LRRC42: variants seen among roughly 807,000 people sequenced by gnomAD.
LRRC42 encodes the protein leucine rich repeat containing 42.
A neutral mutation model predicts 44.3 loss-of-function variants in LRRC42; 43 were observed. That is an observed-to-expected ratio of 0.97 (90% CI 0.76 to 1.25). The LOEUF (loss-of-function observed/expected upper bound fraction) is 1.25. Among genes scored for constraint, LRRC42 ranks in the 50% most tolerant of loss-of-function variants. The pLI, the probability that LRRC42 is intolerant of heterozygous loss-of-function variation, is 0.00. For synonymous variants in LRRC42, 207 were observed against 195.2 expected (o/e 1.06, Z -0.50); for missense variants, 540 against 509.1 (o/e 1.06, Z -0.58).
intron 2 of LRRC42, among the ~76,000 whole-genome samples, chr1:53,948,639 T>A (rs1192064323): frequency 6.6e-6 from 1 of 152,188 alleles, no homozygotes; most frequent in Non-Finnish European, 1.5e-5. Context: ...ACGATCTACA[T>A]TGGGCATTGT....
intron 5 of LRRC42, 196 bp from the exon 6 acceptor site, chr1:53,961,838 G>C: frequency 1.8e-6 from 1 of 553,074 alleles, no homozygotes; most frequent in Non-Finnish European, 3.2e-6. Context: ...AGGATCTTTA[G>C]GGATCATTGA....
At position 53,958,272 on chromosome 1, in the gene LRRC42, C is replaced by CCT; in HGVS notation, c.598_599dup (p.Ser201CysfsTer4). ...TTCTAGAACATCTCACCAATGAAGC[C>CCT]CTGTCTAGGTACTGACCTGTCACCA... On this transcript the variant is annotated frameshift_variant, in exon 4 of 9. Transcript: ENST00000371370. LOFTEE classifies it high-confidence loss of function. The CCT allele has an allele frequency of 2.5e-6, 4 of 1,613,454 alleles. No individual in the cohort carries two copies. Among genetic ancestry groups the CCT allele is most frequent in the Non-Finnish European group, 3.4e-6 (4 of 1,179,568 alleles).
intron 2 of LRRC42, among the ~76,000 whole-genome samples, chr1:53,949,480 C>T (rs1654614999): frequency 6.6e-6 from 1 of 152,116 alleles, no homozygotes. Flanking sequence ...CCATACCTAG[C>T]GTCTGCTTTC....
intron 2 of LRRC42, among the ~76,000 whole-genome samples, chr1:53,950,261 C>T (rs765314996): frequency 4.6e-5 from 7 of 152,244 alleles, no homozygotes; most frequent in Admixed American, 1.3e-4. Context: ...GGGAACAGAA[C>T]GAGCAATGGC....
chr1:53,952,231 C>A lies in LRRC42; in HGVS notation c.232C>A (p.Arg78=). Residue 78 remains arginine (R), a synonymous_variant, in exon 3 of 9, where the codon CGA becomes AGA. Coordinates refer to ENST00000371370, the MANE Select transcript of LRRC42 (RefSeq NM_001256409.2). ...KTDHFIFTYT[R]EGNLRYSAKS... Reference sequence around the variant, plus strand: ...TGATCATTTCATCTTCACATACACCCGAGAGGGGAATCTTCGGTACTCCGC... The same window carrying A: ...TGATCATTTCATCTTCACATACACCAGAGAGGGGAATCTTCGGTACTCCGC... 1 of 1,614,242 alleles carries A rather than the reference C, an allele frequency of 6.2e-7. No individual in the cohort carries two copies. Among genetic ancestry groups the A allele is most frequent in the South Asian group, 1.1e-5 (1 of 91,084 alleles).
intron 3 of LRRC42, among the ~76,000 whole-genome samples, chr1:53,954,220 A>T (rs990455743): frequency 4.6e-5 from 7 of 152,240 alleles, no homozygotes; most frequent in Non-Finnish European, 1.0e-4. Flanking sequence ...ACTGTATTTT[A>T]AAAAGAAAAG....
At chr1:53,952,496 C>A in intron 3 of LRRC42, 24 bp downstream of exon 3, 2 of 1,553,380 alleles carry the variant, frequency 1.3e-6, no homozygotes, top group East Asian at 2.3e-5. Context: ...TTAGATTATT[C>A]GGTATTTTAT....
chr1:53,962,653 A>G (rs1462129801), intron 7 of LRRC42, among the ~76,000 whole-genome samples: 2 of 152,204 alleles, frequency 1.3e-5, no homozygotes, highest in Non-Finnish European at 2.9e-5. Context: ...CCTAGGAGAA[A>G]ATGTCATCTT....
rs1655169962 is a variant in LRRC42, at chr1:53,967,860, A to G, written c.1208A>G (p.Gln403Arg). Reference sequence around the variant, plus strand: ...CCTTTTGAGGAGTCAGAGACAGAACAGAATAACTCTTCACAACCTTCAAAG... The same window carrying G: ...CCTTTTGAGGAGTCAGAGACAGAACGGAATAACTCTTCACAACCTTCAAAG... Reference protein sequence around the residue: ...KRPFEESETEQNNSSQPSKQK... With the variant: ...KRPFEESETERNNSSQPSKQK... The change falls in exon 9 of 9, where the codon CAG becomes CGG. Residue 403 changes from glutamine to arginine, a missense_variant. Gln to Arg is a conservative substitution (Grantham distance 43, BLOSUM62 1). Coordinates refer to ENST00000371370, the MANE Select transcript of LRRC42 (RefSeq NM_001256409.2). The G allele has an allele frequency of 6.2e-7, 1 of 1,614,240 alleles. No individual in the cohort carries two copies.
chr1:53,947,474 G>T (rs143467634), intron 1 of LRRC42, among the ~76,000 whole-genome samples: 2 of 152,286 alleles, frequency 1.3e-5, no homozygotes, highest in African/African-American at 4.8e-5. Context: ...GAACAATGAA[G>T]GTGGATTGTT....
chr1:53,967,747 C>G lies in LRRC42; in HGVS notation c.1095C>G (p.Phe365Leu). The G allele has an allele frequency of 6.2e-7, 1 of 1,614,152 alleles. No individual in the cohort carries two copies. The change falls in exon 9 of 9, where the codon TTC becomes TTG. Residue 365 changes from phenylalanine (F) to leucine (L), a missense_variant. By Grantham distance (22) the Phe-to-Leu change is conservative. Coordinates refer to ENST00000371370, the MANE Select transcript of LRRC42 (RefSeq NM_001256409.2). ...TGAACTCTTCCGAGAAACTCCAGTT[C>G]TATAAAGAGAAAGCCCCAGATTGCC... The part of the protein sequence containing the change: ...THMNSSEKLQ[F>L]YKEKAPDCHG...
chr1:53,960,299 A>G, intron 4 of LRRC42, 57 bp from the exon 5 acceptor site: 1 of 1,160,786 alleles, frequency 8.6e-7, no homozygotes, highest in South Asian at 1.3e-5. Flanking sequence ...ATGTTTTTAT[A>G]CCTAGATTGT....
Position 53,968,044 on chromosome 1 carries a change from A to G in LRRC42, c.*105A>G, listed in dbSNP as rs577297464. The G allele has an allele frequency of 7.1e-5, 84 of 1,189,846 alleles. No individual in the cohort carries two copies. The highest frequency in any genetic ancestry group is 9.4e-5 in the Non-Finnish European group (79 of 839,174). 73.7% of individuals were successfully genotyped at this position (1,189,846 alleles called of 1,614,324 possible). The stretch of plus-strand genomic sequence containing the variant: ...GTTTGAATTTACCTATGGCATTAGC[A>G]TAGTAAGCAGATATTTCTACTTTTG... On this transcript the variant is annotated 3_prime_UTR_variant, in exon 9 of 9. Coordinates refer to ENST00000371370, the MANE Select transcript of LRRC42 (RefSeq NM_001256409.2).
intron 8 of LRRC42, among the ~76,000 whole-genome samples, chr1:53,966,597 G>A (rs1025541696): frequency 3.9e-5 from 6 of 151,970 alleles, no homozygotes; most frequent in African/African-American, 1.2e-4. Context: ...ACTTACTTAC[G>A]TACCATCTTG....
Position 53,962,355 on chromosome 1 carries a change from G to T in LRRC42, c.873G>T (p.Val291=). Residue 291 remains valine, a synonymous_variant, in exon 7 of 9, where the codon GTG becomes GTT. Coordinates refer to ENST00000371370, the MANE Select transcript of LRRC42 (RefSeq NM_001256409.2). ...ACATAGGCCTTGTTCACTCCAAAGTGCCTTTGAAGGAATTTGATCATAGTA... is the reference window on the plus strand; with the variant it reads ...ACATAGGCCTTGTTCACTCCAAAGTTCCTTTGAAGGAATTTGATCATAGTA... ...QTHIGLVHSK[V]PLKEFDHSNC... 6.2e-7 allele frequency: 1 copy of T among 1,614,192 alleles called. No individual in the cohort carries two copies. Among genetic ancestry groups the T allele is most frequent in the Non-Finnish European group, 8.5e-7 (1 of 1,179,998 alleles).
chr1:53,956,443 T>G (rs1417102023), intron 3 of LRRC42, among the ~76,000 whole-genome samples: 1 of 152,232 alleles, frequency 6.6e-6, no homozygotes, highest in African/African-American at 2.4e-5. Flanking sequence ...ATTGTTTCTC[T>G]TTTTCTTAAT....
At chr1:53,955,701 T>TC (rs2100922428) in intron 3 of LRRC42, among the ~76,000 whole-genome samples, 1 of 148,762 alleles carries the variant, frequency 6.7e-6, no homozygotes, top group South Asian at 2.1e-4. Flanking sequence ...CGATCTCAGC[T>TC]CACTGCAAGC....
At position 53,952,195 on chromosome 1, in the gene LRRC42, A is replaced by G. The variant is rs1654706748; in HGVS notation, c.196A>G (p.Lys66Glu). Residue 66 changes from lysine (K) to glutamate (E), a missense_variant, in exon 3 of 9, where the codon AAA becomes GAA. Transcript: ENST00000371370. ...GAACAGGGAAGACGACACTGCACGG[A>G]AAGAGAAGACTGATCATTTCATCTT... ...CMNREDDTAR[K>E]EKTDHFIFTY... The G allele has an allele frequency of 6.2e-7, 1 of 1,614,004 alleles. No homozygotes were observed. Among genetic ancestry groups the G allele is most frequent in the Admixed American group, 1.7e-5 (1 of 60,000 alleles).
At chr1:53,948,762 C>T (rs1270535710) in intron 2 of LRRC42, among the ~76,000 whole-genome samples, 1 of 152,172 alleles carries the variant, frequency 6.6e-6, no homozygotes, top group Non-Finnish European at 1.5e-5. Flanking sequence ...CCACCCAGTA[C>T]AATAGTGAGG....
Sources: gnomAD v4.1 joint callset for allele counts (sites outside exome capture counted in the v4.1 genomes callset) on GRCh38, gnomAD v4.1.1 for gene constraint, MANE v1.5 for transcripts, NCBI Gene and HGNC (gene_info 2026-07-23, HGNC 2026-07-21) for gene names.